LRMDA: variants seen among roughly 807,000 people sequenced by gnomAD.
LRMDA encodes the protein leucine rich melanocyte differentiation associated.
LRMDA carries 18 observed loss-of-function variants against 29.8 expected under a neutral mutation model. The ratio of observed to expected loss-of-function variants is 0.60; its 90% confidence interval spans 0.42 to 0.90. The LOEUF is 0.90. LRMDA is among the 40% of genes least tolerant of loss of function. The pLI, the probability that LRMDA is intolerant of heterozygous loss-of-function variation, is 0.00. For synonymous variants in LRMDA, 125 were observed against 109.4 expected (o/e 1.14, Z -0.89); for missense variants, 273 against 273.9 (o/e 1.00, Z 0.02).
At chr10:76,360,229 C>G (rs1841295053) in intron 6 of LRMDA, among the ~76,000 whole-genome samples, 1 of 152,068 alleles carries the variant, frequency 6.6e-6, no homozygotes. Context: ...CTCAGGTGGT[C>G]TGCCTGCCTC....
At chr10:75,822,667 C>G (rs1844182282) in intron 2 of LRMDA, among the ~76,000 whole-genome samples, 1 of 151,996 alleles carries the variant, frequency 6.6e-6, no homozygotes, top group South Asian at 2.1e-4. Flanking sequence ...TACCTATAAA[C>G]AACTGATCTT....
In LRMDA at chr10:75,970,710, G is replaced by A. The variant is rs550970526; in HGVS notation, c.132-65298G>A. Among the ~76,000 whole-genome samples, 3 of 152,334 alleles carry A rather than the reference G, an allele frequency of 2.0e-5. No individual in the cohort carries two copies. In the East Asian group the frequency reaches 5.8e-4, roughly 29 times the overall value. ...CTTAGGAAGGGTTGAAGATGGGCAG[G>A]CCCAGTGTGGGCTTGGAAGAGGATG... On this transcript the variant is annotated intron_variant, in intron 2 of 6. Coordinates refer to ENST00000611255, the MANE Select transcript of LRMDA (RefSeq NM_001305581.2).
chr10:75,505,127 T>C (rs1247917116), intron 2 of LRMDA, among the ~76,000 whole-genome samples: 1 of 152,174 alleles, frequency 6.6e-6, no homozygotes, highest in African/African-American at 2.4e-5. Context: ...GTTGTTTTAG[T>C]TATGACACAG....
intron 2 of LRMDA, among the ~76,000 whole-genome samples, chr10:75,570,865 A>ATTTCAT (rs1311401324): frequency 6.6e-6 from 1 of 152,220 alleles, no homozygotes; most frequent in African/African-American, 2.4e-5. Context: ...CATTATCATA[A>ATTTCAT]TTTCATTTTT....
At chr10:76,093,753 A>G (rs1056494234) in intron 5 of LRMDA, among the ~76,000 whole-genome samples, 5 of 152,094 alleles carry the variant, frequency 3.3e-5, no homozygotes, top group African/African-American at 1.2e-4. Flanking sequence ...CCAAATAACC[A>G]ACCCAACGCC....
chr10:76,483,213 A>C (rs1201536231), intron 6 of LRMDA, among the ~76,000 whole-genome samples: 1 of 151,976 alleles, frequency 6.6e-6, no homozygotes, highest in Admixed American at 6.6e-5. Context: ...ATTTTAATGT[A>C]GCACAATTTA....
chr10:76,100,053 C>T (rs1304334561), intron 5 of LRMDA, among the ~76,000 whole-genome samples: 1 of 152,050 alleles, frequency 6.6e-6, no homozygotes, highest in East Asian at 1.9e-4. Context: ...ATAGATTTTT[C>T]CCTTTTTTCT....
At chr10:75,936,857 A>G (rs1846303879) in intron 2 of LRMDA, among the ~76,000 whole-genome samples, 1 of 152,146 alleles carries the variant, frequency 6.6e-6, no homozygotes, top group Non-Finnish European at 1.5e-5. Context: ...CTTTCAATAT[A>G]TGGCTTTTGG....
At chr10:76,307,426 G>C (rs1228474137) in intron 5 of LRMDA, among the ~76,000 whole-genome samples, 1 of 152,118 alleles carries the variant, frequency 6.6e-6, no homozygotes, top group Non-Finnish European at 1.5e-5. Context: ...ACTTACACAG[G>C]AGGTCGTCTG....
chr10:75,720,342 T>C (rs1022996752), intron 2 of LRMDA, among the ~76,000 whole-genome samples: 1 of 152,192 alleles, frequency 6.6e-6, no homozygotes, highest in Admixed American at 6.5e-5. Context: ...ACTAATTGCA[T>C]AATCTTATGT....
rs539815263 is a variant in LRMDA at position 75,841,107 on chromosome 10, C to A, written c.132-194901C>A. 2.0e-5 allele frequency among the ~76,000 whole-genome samples: 3 copies of A among 152,316 alleles called. No individual in the cohort carries two copies. The South Asian group carries it at 6.2e-4, about 32-fold the overall frequency. On this transcript the variant is annotated intron_variant, in intron 2 of 6. Transcript: ENST00000611255. ...CATAGACCAGAGTGCCAGGCATTCA[C>A]TTTGAAGCAAAGAGAAGTGTTATTT...
At chr10:76,176,715 C>T (rs1850943106) in intron 5 of LRMDA, among the ~76,000 whole-genome samples, 1 of 152,202 alleles carries the variant, frequency 6.6e-6, no homozygotes, top group Admixed American at 6.5e-5. Flanking sequence ...ATTGCTTGAA[C>T]CTGGGAGGCG....
At chr10:76,239,546 C>T (rs570319915) in intron 5 of LRMDA, among the ~76,000 whole-genome samples, 2 of 152,156 alleles carry the variant, frequency 1.3e-5, no homozygotes, top group African/African-American at 4.8e-5. Flanking sequence ...CCCTCCCCTT[C>T]TCCTTTTTCA....
rs184266768 is a variant in LRMDA, at chr10:75,631,890, C to T, written c.131+193396C>T. ...TCCATTGACCCGCCCTAAATTGATT[C>T]CCTTATTCTGGCATCTGGACACATT... is the stretch of plus-strand genomic sequence containing the variant. On this transcript the variant is annotated intron_variant, in intron 2 of 6. Transcript: ENST00000611255. Among the ~76,000 whole-genome samples the T allele has an allele frequency of 2.2e-3, 337 of 152,274 alleles. 1 individual carries two copies. Among genetic ancestry groups the T allele is most frequent in the African/African-American group, 7.8e-3 (326 of 41,540 alleles).
chr10:75,929,855 G>A (rs1028195569), intron 2 of LRMDA, among the ~76,000 whole-genome samples: 2 of 152,150 alleles, frequency 1.3e-5, no homozygotes, highest in Non-Finnish European at 2.9e-5. Context: ...TTCTTTGAGA[G>A]CTTCCTTCCA....
chr10:75,504,760 G>C (rs1476985762), intron 2 of LRMDA, among the ~76,000 whole-genome samples: 1 of 152,124 alleles, frequency 6.6e-6, no homozygotes, highest in Non-Finnish European at 1.5e-5. Flanking sequence ...TGGCATAAGA[G>C]GGGTAGGTAG....
At chr10:76,429,383 C>T (rs1203342915) in intron 6 of LRMDA, among the ~76,000 whole-genome samples, 1 of 152,116 alleles carries the variant, frequency 6.6e-6, no homozygotes, top group African/African-American at 2.4e-5. Context: ...ACCTTACATG[C>T]ACAATATTTC....
chr10:76,532,495 A>G (rs1843245073), intron 6 of LRMDA, among the ~76,000 whole-genome samples: 1 of 152,226 alleles, frequency 6.6e-6, no homozygotes, highest in South Asian at 2.1e-4. Flanking sequence ...TGAGTCAGAC[A>G]GTATCCTTGG....
chr10:76,406,648 C>A (rs1450992508), intron 6 of LRMDA, among the ~76,000 whole-genome samples: 1 of 152,212 alleles, frequency 6.6e-6, no homozygotes, highest in Admixed American at 6.5e-5. Flanking sequence ...ATGACATCTG[C>A]CCTGCATTGA....
Sources: gnomAD v4.1 joint callset for allele counts (sites outside exome capture counted in the v4.1 genomes callset) on GRCh38, gnomAD v4.1.1 for gene constraint, MANE v1.5 for transcripts, NCBI Gene and HGNC (gene_info 2026-07-23, HGNC 2026-07-21) for gene names.